Variants in STAB2 observed in about 807,000 individuals in gnomAD.
STAB2 encodes the protein stabilin-2.
Under a neutral mutation model 338.1 loss-of-function variants are expected in STAB2, and 288 were observed. The ratio of observed to expected loss-of-function variants is 0.85; its 90% CI spans 0.77 to 0.94. The LOEUF (loss-of-function observed/expected upper bound fraction) is 0.94. Among genes scored for constraint, STAB2 ranks in the 40% least tolerant of loss-of-function variants. The probability of loss-of-function intolerance (pLI) is 0.00; values close to 1 mark genes in which losing one functional copy is unlikely to be tolerated. For missense variants in STAB2, 3,141 were observed against 3,210.1 expected (o/e 0.98, Z 0.52); for synonymous variants, 1,202 against 1,193.3 (o/e 1.01, Z -0.15).
chr12:103,700,589 T>C (rs1381524394), intron 34 of STAB2, among the ~76,000 whole-genome samples: 1 of 152,216 alleles, frequency 6.6e-6, no homozygotes, highest in Non-Finnish European at 1.5e-5. Context: ...TTAAATATAC[T>C]TTTTATTTTT....
intron 5 of STAB2, among the ~76,000 whole-genome samples, chr12:103,625,429 G>A (rs1447473869): frequency 1.3e-5 from 2 of 152,088 alleles, no homozygotes; most frequent in Admixed American, 6.6e-5. Context: ...TTACATATGT[G>A]TACATGTGCA....
intron 56 of STAB2, 42 bp downstream of exon 56, chr12:103,742,596 CTG>C: frequency 1.2e-6 from 2 of 1,611,768 alleles, no homozygotes; most frequent in Non-Finnish European, 1.7e-6. Flanking sequence ...TGTTTTTTGA[CTG>C]TGTGCTCCCT....
chr12:103,644,475 G>A (rs34151125), intron 9 of STAB2, among the ~76,000 whole-genome samples: 6 of 150,112 alleles, frequency 4.0e-5, no homozygotes, highest in Non-Finnish European at 5.9e-5. Context: ...CTCCACTATT[G>A]TCCTATGACC....
chr12:103,681,724 C>T (rs58605677), intron 25 of STAB2, among the ~76,000 whole-genome samples: 54,193 of 148,580 alleles, frequency 0.36, 10,165 homozygotes, highest in Non-Finnish European at 0.41. Context: ...CGGGTTCAAG[C>T]GATTCTCCTG....
intron 3 of STAB2, among the ~76,000 whole-genome samples, chr12:103,613,460 C>T (rs190158509): frequency 2.6e-5 from 4 of 152,328 alleles, no homozygotes; most frequent in Admixed American, 2.0e-4. Flanking sequence ...ATGAGTGAGG[C>T]TCCGTGGACG....
At chr12:103,676,064 T>TTTC in intron 24 of STAB2, 43 bp downstream of exon 24, 1 of 1,365,970 alleles carries the variant, frequency 7.3e-7, no homozygotes, top group East Asian at 2.4e-5. Flanking sequence ...GTTTCTTTTT[T>TTTC]TTTTTTTTTT....
In STAB2 at chr12:103,587,412, C is replaced by A; in HGVS notation, c.-65C>A. The A allele has an allele frequency of 1.5e-6, 2 of 1,313,446 alleles. No individual in the cohort carries two copies. The highest frequency in any genetic ancestry group is 2.2e-6 in the Non-Finnish European group (2 of 925,674). The allele number at this position is 1,313,446 out of a possible 1,614,324, so 81.4% of individuals were successfully genotyped here. A position where few individuals can be genotyped will look rare whatever the true frequency, so the allele number is the denominator to read the frequency against. Reference sequence around the variant, plus strand: ...AAGAATTCACTGGGAGTTTATCAAACTAAGTTAAAATAGCTAAGTCAGCCT... The same window carrying A: ...AAGAATTCACTGGGAGTTTATCAAAATAAGTTAAAATAGCTAAGTCAGCCT... On this transcript the variant is annotated 5_prime_UTR_variant, in exon 1 of 69. Coordinates refer to ENST00000388887, the MANE Select transcript of STAB2 (RefSeq NM_017564.10).
At chr12:103,653,834 G>A (rs536430828) in intron 12 of STAB2, among the ~76,000 whole-genome samples, 75 of 97,162 alleles carry the variant, frequency 7.7e-4, no homozygotes, top group Middle Eastern at 5.1e-3. Flanking sequence ...ATAGGTCACC[G>A]GATGGGTGGA....
rs1275570685 is a variant in STAB2, at chr12:103,695,358, CT to C, written c.3376-191del. On this transcript the variant is annotated intron_variant, in intron 31 of 68. Transcript: ENST00000388887. ...AGGCATAAAATTGAATGACTAACAT[CT>C]CCAACTCTGCTCCAGCCTTGTCATG... Among the ~76,000 whole-genome samples, 3 of 152,228 alleles carry C rather than the reference CT, an allele frequency of 2.0e-5. No homozygotes were observed. The East Asian group carries it at 5.8e-4, about 29-fold the overall frequency.
chr12:103,750,640 A>G lies in STAB2; in HGVS notation c.6500A>G (p.Glu2167Gly), dbSNP rs780758413. Residue 2167 changes from glutamate to glycine, a missense_variant, in exon 60 of 69, where the codon GAG becomes GGG. Glu to Gly is a moderately conservative substitution (Grantham distance 98). Transcript: ENST00000388887. ...YVGDGLNCEP[E>G]QLPIDRCLQD... ...GGAGATGGGCTGAACTGTGAGCCGG[A>G]GCAGCTGCCCATTGACCGCTGCTTA... 1 of 1,614,230 alleles carries G rather than the reference A, an allele frequency of 6.2e-7. No homozygotes were observed. The highest frequency in any genetic ancestry group is 2.2e-5 in the East Asian group (1 of 44,886).
chr12:103,677,744 G>A (rs1876521788), intron 25 of STAB2, 133 bp downstream of exon 25: 2 of 1,142,478 alleles, frequency 1.8e-6, no homozygotes, highest in Admixed American at 2.9e-5. Context: ...GTGAACATGG[G>A]TTCATTGCCA....
At chr12:103,666,228 G>A (rs1565995787) in intron 18 of STAB2, 63 bp from the exon 19 acceptor site, 1 of 1,532,476 alleles carries the variant, frequency 6.5e-7, no homozygotes, top group Non-Finnish European at 9.0e-7. Context: ...ACCAGCCACA[G>A]GACCATCGCC....
At position 103,765,295 on chromosome 12, in the gene STAB2, G is replaced by A. The variant is rs563706077; in HGVS notation, c.7606-991G>A. Among the ~76,000 whole-genome samples the A allele has an allele frequency of 8.5e-5, 13 of 152,216 alleles. No individual in the cohort carries two copies. In the East Asian group the frequency reaches 1.7e-3, roughly 20 times the overall value. ...TGCATGAAAGATTTACCTGAGGCAG[G>A]TGAGAAAGTAGCCTAAATGCAGGAT... On this transcript the variant is annotated intron_variant, in intron 68 of 68. Coordinates refer to ENST00000388887, the MANE Select transcript of STAB2 (RefSeq NM_017564.10).
Position 103,653,840 on chromosome 12 carries a change from G to GTGGATGGATGGA in STAB2, c.1408-686_1408-675dup, listed in dbSNP as rs148948039. Among the ~76,000 whole-genome samples the GTGGATGGATGGA allele has an allele frequency of 6.5e-4, 91 of 139,192 alleles. 1 individual carries two copies. Among genetic ancestry groups the GTGGATGGATGGA allele is most frequent in the Middle Eastern group, 3.9e-3 (1 of 256 alleles). 91.3% of individuals were successfully genotyped at this position (139,192 alleles called of 152,430 possible). On this transcript the variant is annotated intron_variant, in intron 12 of 68. Coordinates refer to ENST00000388887, the MANE Select transcript of STAB2 (RefSeq NM_017564.10). Reference sequence around the variant, plus strand: ...GATACATGGATAGGTCACCGGATGGGTGGATGGATGGATGGATGGATGGAT... The same window carrying GTGGATGGATGGA: ...GATACATGGATAGGTCACCGGATGGGTGGATGGATGGATGGATGGATGGATGGATGGATGGAT...
chr12:103,587,445 G>A lies in STAB2; in HGVS notation c.-32G>A, dbSNP rs1314851916. 1.9e-6 allele frequency: 3 copies of A among 1,582,416 alleles called. No individual in the cohort carries two copies. The highest frequency in any genetic ancestry group is 3.4e-5 in the Admixed American group (2 of 59,512). ...AAATAGCTAAGTCAGCCTGACAGGTGCTTGGCACAGAGAAGGAGCAAATAT... is the reference window on the plus strand; with the variant it reads ...AAATAGCTAAGTCAGCCTGACAGGTACTTGGCACAGAGAAGGAGCAAATAT... On this transcript the variant is annotated 5_prime_UTR_variant, in exon 1 of 69. Transcript: ENST00000388887.
At chr12:103,730,596 T>C (rs1464977253) in intron 49 of STAB2, among the ~76,000 whole-genome samples, 1 of 152,168 alleles carries the variant, frequency 6.6e-6, no homozygotes, top group Non-Finnish European at 1.5e-5. Flanking sequence ...TATTTATTAA[T>C]ATAGGTCAAG....
chr12:103,721,868 G>C (rs1880794938), intron 44 of STAB2, among the ~76,000 whole-genome samples: 1 of 152,182 alleles, frequency 6.6e-6, no homozygotes, highest in Non-Finnish European at 1.5e-5. Flanking sequence ...CCTGCTGATA[G>C]ACTGGATATG....
chr12:103,648,155 T>A (rs917629574), intron 9 of STAB2, among the ~76,000 whole-genome samples: 8 of 152,120 alleles, frequency 5.3e-5, no homozygotes, highest in African/African-American at 1.7e-4. Context: ...AGAGTATATA[T>A]AATGGAGACA....
At chr12:103,659,027 G>A (rs1355143675) in intron 15 of STAB2, among the ~76,000 whole-genome samples, 1 of 152,216 alleles carries the variant, frequency 6.6e-6, no homozygotes, top group Non-Finnish European at 1.5e-5. Flanking sequence ...GATGTAAGTT[G>A]AGATGTAAAG....
Sources: gnomAD v4.1 joint callset for allele counts (sites outside exome capture counted in the v4.1 genomes callset) on GRCh38, gnomAD v4.1.1 for gene constraint, MANE v1.5 for transcripts, NCBI Gene and HGNC (gene_info 2026-07-23, HGNC 2026-07-21) for gene names.